Variants in ITPR1 observed in about 807,000 individuals in gnomAD.
ITPR1 encodes inositol 1,4,5-trisphosphate-gated calcium channel ITPR1.
Under a neutral mutation model 318.4 loss-of-function variants are expected in ITPR1, and 96 were observed. The ratio of observed to expected loss-of-function variants is 0.30; its 90% confidence interval spans 0.26 to 0.36. The LOEUF is 0.36. ITPR1 is among the 10% of genes least tolerant of loss of function. ITPR1 has a pLI of 1.00. For missense variants in ITPR1, 2,440 were observed against 3,460.2 expected (o/e 0.71, Z 7.40); for synonymous variants, 1,312 against 1,289.9 (o/e 1.02, Z -0.37).
chr3:4,554,080 G>A (rs1022204831), intron 4 of ITPR1, among the ~76,000 whole-genome samples: 7 of 152,168 alleles, frequency 4.6e-5, no homozygotes, highest in Admixed American at 2.0e-4. Flanking sequence ...ACCTTTATTG[G>A]TATCTTACTA....
At chr3:4,700,707 C>T (rs1559726469) in intron 35 of ITPR1, among the ~76,000 whole-genome samples, 1 of 152,102 alleles carries the variant, frequency 6.6e-6, no homozygotes, top group African/African-American at 2.4e-5. Flanking sequence ...GAGCTGATGT[C>T]ACCTGTATTA....
At chr3:4,723,765 C>G (rs1369299775) in intron 40 of ITPR1, among the ~76,000 whole-genome samples, 1 of 151,848 alleles carries the variant, frequency 6.6e-6, no homozygotes, top group African/African-American at 2.4e-5. Context: ...GCCTATAATT[C>G]TTTTGTTCTG....
chr3:4,736,912 C>T (rs1375771819), intron 44 of ITPR1, among the ~76,000 whole-genome samples: 5 of 152,132 alleles, frequency 3.3e-5, no homozygotes, highest in Admixed American at 2.6e-4. Flanking sequence ...GACATGGGAG[C>T]CAGTTCGTCT....
At chr3:4,648,660 A>C (rs553732574) in intron 10 of ITPR1, among the ~76,000 whole-genome samples, 7 of 152,190 alleles carry the variant, frequency 4.6e-5, no homozygotes, top group Middle Eastern at 3.4e-3. Context: ...AAATACAAAA[A>C]TTAGCCAGGC....
chr3:4,576,353 T>C (rs1048790677), intron 4 of ITPR1, among the ~76,000 whole-genome samples: 1 of 152,182 alleles, frequency 6.6e-6, no homozygotes, highest in African/African-American at 2.4e-5. Flanking sequence ...AAATGTAGAT[T>C]CCTGGGTCCA....
intron 60 of ITPR1, among the ~76,000 whole-genome samples, chr3:4,830,737 A>G (rs963342296): frequency 6.6e-6 from 1 of 152,272 alleles, no homozygotes; most frequent in African/African-American, 2.4e-5. Flanking sequence ...TGAGTTGGAA[A>G]GACCATCTTC....
At position 4,784,930 on chromosome 3, in the gene ITPR1, T is replaced by C. The variant is rs1169689188; in HGVS notation, c.6615+1010T>C. ...AAAAAGTGTCATGATGCATTGTGAGTGTGGAGATGGCCATAATGTGAAAGG... is the reference window on the plus strand; with the variant it reads ...AAAAAGTGTCATGATGCATTGTGAGCGTGGAGATGGCCATAATGTGAAAGG... On this transcript the variant is annotated intron_variant, in intron 51 of 61. Transcript: ENST00000649015. Among the ~76,000 whole-genome samples, 7 of 150,768 alleles carry C rather than the reference T, an allele frequency of 4.6e-5. No homozygotes were observed. In the South Asian group the frequency reaches 8.4e-4, roughly 18 times the overall value.
intron 2 of ITPR1, among the ~76,000 whole-genome samples, chr3:4,500,994 C>G (rs928114319): frequency 1.3e-5 from 2 of 151,334 alleles, no homozygotes; most frequent in Admixed American, 1.3e-4. Flanking sequence ...GTTGGGACCA[C>G]CAGCGTGCCC....
Position 4,623,890 on chromosome 3 carries a change from C to T in ITPR1, c.164-3873C>T, listed in dbSNP as rs551456757. Among the ~76,000 whole-genome samples, 56 of 152,272 alleles carry T rather than the reference C, an allele frequency of 3.7e-4. 1 individual carries two copies. Among genetic ancestry groups the T allele is most frequent in the Non-Finnish European group, 5.1e-4 (35 of 68,022 alleles). On this transcript the variant is annotated intron_variant, in intron 4 of 61. Coordinates refer to ENST00000649015, the MANE Select transcript of ITPR1 (RefSeq NM_001378452.1). ...CTTAATGCAATGCAATACTCTGTTT[C>T]GCCCAAGGAAAATAGTTGATGTGGA...
At chr3:4,628,441 C>T (rs1392026838) in intron 5 of ITPR1, among the ~76,000 whole-genome samples, 1 of 152,158 alleles carries the variant, frequency 6.6e-6, no homozygotes, top group Non-Finnish European at 1.5e-5. Flanking sequence ...GTGACCATAG[C>T]AAGTTTTTGA....
chr3:4,781,572 G>A (rs2046839050), intron 49 of ITPR1, among the ~76,000 whole-genome samples: 1 of 152,166 alleles, frequency 6.6e-6, no homozygotes, highest in African/African-American at 2.4e-5. Context: ...TGGTCCTCCG[G>A]GAGCCGAGTC....
At chr3:4,599,121 G>C (rs955877332) in intron 4 of ITPR1, among the ~76,000 whole-genome samples, 1 of 151,946 alleles carries the variant, frequency 6.6e-6, no homozygotes, top group African/African-American at 2.4e-5. Flanking sequence ...TTTCCTATGG[G>C]TAAAATATTT....
At chr3:4,718,840 G>C (rs1180398889) in intron 40 of ITPR1, among the ~76,000 whole-genome samples, 2 of 152,186 alleles carry the variant, frequency 1.3e-5, no homozygotes, top group Non-Finnish European at 2.9e-5. Context: ...TTATTTATAT[G>C]CCAGAAAAAT....
At chr3:4,582,421 G>A (rs999746477) in intron 4 of ITPR1, among the ~76,000 whole-genome samples, 5 of 152,224 alleles carry the variant, frequency 3.3e-5, no homozygotes, top group East Asian at 1.9e-4. Flanking sequence ...GTGAAGGGAC[G>A]GATGGTCACC....
At chr3:4,570,675 A>G (rs977128914) in intron 4 of ITPR1, among the ~76,000 whole-genome samples, 1 of 152,240 alleles carries the variant, frequency 6.6e-6, no homozygotes, top group African/African-American at 2.4e-5. Flanking sequence ...CACATTCTGT[A>G]TAATCTAGAT....
intron 2 of ITPR1, among the ~76,000 whole-genome samples, chr3:4,501,666 G>A (rs957716847): frequency 3.3e-4 from 50 of 152,238 alleles, no homozygotes; most frequent in African/African-American, 1.2e-3. Context: ...AAGTGGAAAG[G>A]TAGGCTAATC....
At chr3:4,515,096 CCTGCAATGT>C (rs1259932256) in intron 2 of ITPR1, among the ~76,000 whole-genome samples, 3 of 152,190 alleles carry the variant, frequency 2.0e-5, no homozygotes, top group African/African-American at 7.2e-5. Flanking sequence ...CTTTATCTCT[CCTGCAATGT>C]CTGGGTTGTT....
intron 33 of ITPR1, among the ~76,000 whole-genome samples, chr3:4,694,197 G>T (rs954190504): frequency 6.6e-6 from 1 of 150,796 alleles, no homozygotes; most frequent in Admixed American, 6.6e-5. Flanking sequence ...AAAAAATAAT[G>T]AATACCTAAG....
intron 2 of ITPR1, among the ~76,000 whole-genome samples, chr3:4,514,316 G>T (rs748270615): frequency 7.2e-5 from 11 of 152,202 alleles, no homozygotes; most frequent in Non-Finnish European, 1.0e-4. Flanking sequence ...CTTGATAAAT[G>T]CCAGCTATTA....
Sources: gnomAD v4.1 joint callset for allele counts (sites outside exome capture counted in the v4.1 genomes callset) on GRCh38, gnomAD v4.1.1 for gene constraint, MANE v1.5 for transcripts, NCBI Gene and HGNC (gene_info 2026-07-23, HGNC 2026-07-21) for gene names.